Variants in KANK1 observed in about 807,000 individuals in gnomAD.
KANK1 encodes KN motif and ankyrin repeat domains 1, also known as KN motif and ankyrin repeat domain-containing protein 1.
A neutral mutation model predicts 106.2 loss-of-function variants in KANK1; 109 were observed. That is an observed-to-expected ratio of 1.03 (90% CI 0.88 to 1.20). The LOEUF is 1.20. Ranked by LOEUF, KANK1 falls within the 50% of genes most tolerant of loss-of-function variation. The probability of loss-of-function intolerance (pLI) is 0.00; values close to 1 mark genes in which losing one functional copy is unlikely to be tolerated. For missense variants in KANK1, 2,399 were observed against 1,710.7 expected (o/e 1.40, Z -7.10); for synonymous variants, 873 against 652.2 (o/e 1.34, Z -5.16).
intron 8 of KANK1, among the ~76,000 whole-genome samples, chr9:739,752 G>T (rs897216559): frequency 1.3e-5 from 2 of 151,966 alleles, no homozygotes; most frequent in East Asian, 3.9e-4. Flanking sequence ...GATGGTTTGG[G>T]TTAATCACTT....
chr9:691,134 G>T (rs1456074695), intron 2 of KANK1, among the ~76,000 whole-genome samples: 1 of 152,036 alleles, frequency 6.6e-6, no homozygotes, highest in Non-Finnish European at 1.5e-5. Flanking sequence ...AAAGGACTAG[G>T]CATTTATTTG....
intron 1 of KANK1, among the ~76,000 whole-genome samples, chr9:553,076 G>A (rs1006853647): frequency 1.3e-5 from 2 of 152,118 alleles, no homozygotes; most frequent in Admixed American, 6.5e-5. Context: ...AGCCTAGGAG[G>A]TTGAGGCTGC....
chr9:602,017 CT>C (rs1416423907), intron 1 of KANK1, among the ~76,000 whole-genome samples: 2 of 151,844 alleles, frequency 1.3e-5, no homozygotes, highest in African/African-American at 4.9e-5. Context: ...GTTTTTAACA[CT>C]TCTAGGTAGT....
chr9:610,196 A>C (rs1830245477), intron 1 of KANK1, among the ~76,000 whole-genome samples: 1 of 152,160 alleles, frequency 6.6e-6, no homozygotes, highest in African/African-American at 2.4e-5. Context: ...TAAAGGTATG[A>C]ATACATTTTA....
chr9:710,615 C>CA (rs1222306010), intron 2 of KANK1, among the ~76,000 whole-genome samples, 189 bp from the exon 3 acceptor site: 1,698 of 35,636 alleles, frequency 0.048, 199 homozygotes, highest in East Asian at 0.1. Context: ...TGACCTGTCT[C>CA]AAAAAAAAAA....
intron 1 of KANK1, among the ~76,000 whole-genome samples, chr9:540,192 T>C (rs909314750): frequency 2.6e-5 from 4 of 152,246 alleles, no homozygotes; most frequent in African/African-American, 9.6e-5. Flanking sequence ...GCCTTTATTA[T>C]GTCGAGGTCC....
At chr9:636,286 A>G (rs910098546) in intron 1 of KANK1, among the ~76,000 whole-genome samples, 4 of 152,138 alleles carry the variant, frequency 2.6e-5, no homozygotes, top group African/African-American at 4.8e-5. Context: ...AATAATTTCA[A>G]ACTTTTCAGA....
intron 1 of KANK1, among the ~76,000 whole-genome samples, chr9:655,207 T>C (rs1841858460): frequency 6.6e-6 from 1 of 151,868 alleles, no homozygotes; most frequent in South Asian, 2.1e-4. Context: ...TCGTCTCTAC[T>C]AAAAATACAA....
intron 1 of KANK1, among the ~76,000 whole-genome samples, chr9:565,866 A>G (rs1379944602): frequency 6.6e-6 from 1 of 152,212 alleles, no homozygotes; most frequent in East Asian, 1.9e-4. Flanking sequence ...CGCTTTTAAC[A>G]AAACTTTTAT....
At position 625,146 on chromosome 9, in the gene KANK1, G is replaced by A. The variant is rs559438381; in HGVS notation, c.-83-51744G>A. ...CAGCCCGCAGATCTCTTATTTGGCAGCGAATTCCTGCAGATCAGCTCTAAG... is the reference window on the plus strand; with the variant it reads ...CAGCCCGCAGATCTCTTATTTGGCAACGAATTCCTGCAGATCAGCTCTAAG... On this transcript the variant is annotated intron_variant, in intron 1 of 11. Transcript: ENST00000382297. Among the ~76,000 whole-genome samples the A allele has an allele frequency of 7.9e-5, 12 of 152,300 alleles. No homozygotes were observed. The South Asian group carries it at 1.7e-3, about 21-fold the overall frequency.
intron 3 of KANK1, among the ~76,000 whole-genome samples, chr9:713,835 C>T (rs754788179): frequency 9.9e-5 from 15 of 152,160 alleles, no homozygotes; most frequent in Admixed American, 2.0e-4. Flanking sequence ...CCTGTTTGTA[C>T]CCACTATTAC....
At chr9:530,116 C>T (rs2059990971) in intron 1 of KANK1, among the ~76,000 whole-genome samples, 1 of 152,050 alleles carries the variant, frequency 6.6e-6, no homozygotes, top group South Asian at 2.1e-4. Context: ...GGGCTGTTAC[C>T]AAGTTGTATG....
chr9:724,788 C>T (rs1021740495), intron 3 of KANK1, among the ~76,000 whole-genome samples: 8 of 151,360 alleles, frequency 5.3e-5, no homozygotes, highest in African/African-American at 1.7e-4. Context: ...GGCGACAGAG[C>T]GAGACTCAAT....
intron 3 of KANK1, among the ~76,000 whole-genome samples, chr9:490,269 A>G (rs1009491518): frequency 4.6e-5 from 7 of 152,200 alleles, no homozygotes; most frequent in African/African-American, 1.2e-4. Context: ...TGGGAGCCCA[A>G]AAAAGGTGGG....
chr9:596,551 C>A (rs1174895487), intron 1 of KANK1, among the ~76,000 whole-genome samples: 1 of 151,578 alleles, frequency 6.6e-6, no homozygotes, highest in Non-Finnish European at 1.5e-5. Context: ...TTTCCTTTTC[C>A]CCTGGCAATA....
At chr9:619,347 TATTAA>T (rs1832609139) in intron 1 of KANK1, among the ~76,000 whole-genome samples, 1 of 152,194 alleles carries the variant, frequency 6.6e-6, no homozygotes, top group South Asian at 2.1e-4. Context: ...AACAAAGCAG[TATTAA>T]ATTAGGGCAG....
intron 1 of KANK1, among the ~76,000 whole-genome samples, chr9:637,202 G>A (rs990847587): frequency 6.6e-6 from 1 of 152,078 alleles, no homozygotes; most frequent in Non-Finnish European, 1.5e-5. Context: ...GCTATTCCCA[G>A]GTCTTCTGTT....
intron 1 of KANK1, among the ~76,000 whole-genome samples, chr9:587,150 C>G (rs949968519): frequency 2.0e-5 from 3 of 152,078 alleles, no homozygotes; most frequent in African/African-American, 7.2e-5. Context: ...GATAACATAT[C>G]GTTTTTTTCT....
intron 1 of KANK1, among the ~76,000 whole-genome samples, chr9:618,805 G>A (rs952226370): frequency 6.6e-6 from 1 of 152,050 alleles, no homozygotes; most frequent in Admixed American, 6.6e-5. Context: ...GTGAACAGGC[G>A]GTGTTTTCTC....
Sources: allele counts gnomAD v4.1 joint callset (sites outside exome capture counted in the v4.1 genomes callset), GRCh38; gene constraint gnomAD v4.1.1; transcripts MANE v1.5; gene names NCBI Gene and HGNC (gene_info 2026-07-23, HGNC 2026-07-21).